Variants in CNTN5 observed in about 807,000 individuals in gnomAD.
CNTN5 encodes the protein contactin 5.
A neutral mutation model predicts 129.1 loss-of-function variants in CNTN5; 77 were observed. The observed-to-expected ratio is 0.60, with a 90% CI of 0.50 to 0.72. The LOEUF is 0.72. Ranked by LOEUF, CNTN5 falls within the 30% of genes least tolerant of loss-of-function variation. The pLI is 0.00. For synonymous variants in CNTN5, 509 were observed against 465.6 expected (o/e 1.09, Z -1.20); for missense variants, 1,478 against 1,328.8 (o/e 1.11, Z -1.75).
At chr11:99,826,304 T>C (rs1946955670) in intron 4 of CNTN5, among the ~76,000 whole-genome samples, 1 of 152,196 alleles carries the variant, frequency 6.6e-6, no homozygotes, top group South Asian at 2.1e-4. Flanking sequence ...GTTGGGGCTA[T>C]TGAGATTCAG....
chr11:99,446,434 T>A (rs1944074821), intron 2 of CNTN5, among the ~76,000 whole-genome samples: 1 of 152,208 alleles, frequency 6.6e-6, no homozygotes, highest in Non-Finnish European at 1.5e-5. Context: ...TCACCTCAGT[T>A]TTAATAAATT....
intron 1 of CNTN5, among the ~76,000 whole-genome samples, chr11:99,262,776 T>C (rs1197521190): frequency 6.6e-6 from 1 of 152,070 alleles, no homozygotes; most frequent in Non-Finnish European, 1.5e-5. Context: ...TGAATTCTTT[T>C]ATTTAAAATA....
chr11:99,197,992 T>C lies in CNTN5; in HGVS notation c.-209-127354T>C, dbSNP rs552039306. 1.7e-4 allele frequency among the ~76,000 whole-genome samples: 26 copies of C among 152,208 alleles called. 2 individuals are homozygous for C. In the South Asian group the frequency reaches 5.4e-3, roughly 32 times the overall value. The stretch of plus-strand genomic sequence containing the variant: ...ATTGGCAAATTATTTATTTTTAAAA[T>C]CCAAAATCCATGTTACTGCTTTTGA... On this transcript the variant is annotated intron_variant, in intron 1 of 24. Coordinates refer to ENST00000524871, the MANE Select transcript of CNTN5 (RefSeq NM_014361.4).
At chr11:99,961,570 A>C (rs1007035279) in intron 8 of CNTN5, among the ~76,000 whole-genome samples, 6 of 152,210 alleles carry the variant, frequency 3.9e-5, no homozygotes, top group Non-Finnish European at 7.3e-5. Flanking sequence ...CAAAGTTAGC[A>C]CTAAGAAGGG....
At chr11:99,598,493 CCTTT>C (rs1447443623) in intron 3 of CNTN5, among the ~76,000 whole-genome samples, 23 of 144,224 alleles carry the variant, frequency 1.6e-4, no homozygotes, top group Admixed American at 1.5e-3. Context: ...CTTCTTCCTT[CCTTT>C]CTTTGTCTCT....
rs80319390 is a variant in CNTN5, at chr11:99,651,755, G to A, written c.55+95486G>A. ...CCTATCAACGGCCTCAGGATTATAT[G>A]TAAACTTTCTTTAACATGAAAATCA... is the stretch of plus-strand genomic sequence containing the variant. On this transcript the variant is annotated intron_variant, in intron 3 of 24. Transcript: ENST00000524871. 8.7e-3 allele frequency among the ~76,000 whole-genome samples: 1,325 copies of A among 151,946 alleles called. 21 individuals are homozygous for A. The highest frequency in any genetic ancestry group is 0.029 in the African/African-American group (1,185 of 41,498).
intron 1 of CNTN5, among the ~76,000 whole-genome samples, chr11:99,115,480 C>T (rs1422054937): frequency 3.3e-5 from 5 of 151,958 alleles, no homozygotes; most frequent in African/African-American, 7.3e-5. Context: ...AAATACTGGC[C>T]GGGTGCGGTG....
At chr11:100,140,144 T>C (rs1350835605) in intron 13 of CNTN5, among the ~76,000 whole-genome samples, 1 of 152,138 alleles carries the variant, frequency 6.6e-6, no homozygotes, top group Non-Finnish European at 1.5e-5. Context: ...TGTGAAATAA[T>C]TGCCTGAAAG....
In CNTN5 at chr11:99,645,246, C is replaced by T. The variant is rs1469797342; in HGVS notation, c.55+88977C>T. Reference sequence around the variant, plus strand: ...CTGCACTCCAGCCTGGGCAACAGAGCGAGGCTCCATCTCAACAAAAAAAAA... The same window carrying T: ...CTGCACTCCAGCCTGGGCAACAGAGTGAGGCTCCATCTCAACAAAAAAAAA... On this transcript the variant is annotated intron_variant, in intron 3 of 24. Transcript: ENST00000524871. Among the ~76,000 whole-genome samples the T allele has an allele frequency of 1.9e-4, 19 of 100,402 alleles. 1 individual carries two copies. Among genetic ancestry groups the T allele is most frequent in the Non-Finnish European group, 2.6e-4 (15 of 56,668 alleles). 65.9% of individuals were successfully genotyped at this position (100,402 alleles called of 152,430 possible).
At chr11:99,830,209 A>G (rs1947095045) in intron 4 of CNTN5, among the ~76,000 whole-genome samples, 1 of 152,096 alleles carries the variant, frequency 6.6e-6, no homozygotes, top group Admixed American at 6.6e-5. Context: ...CCTTAGAGGA[A>G]GCAAATTATT....
chr11:99,260,814 G>A (rs1197185175), intron 1 of CNTN5, among the ~76,000 whole-genome samples: 1 of 151,874 alleles, frequency 6.6e-6, no homozygotes, highest in Non-Finnish European at 1.5e-5. Context: ...TGATCTCATG[G>A]TATTATGTTA....
intron 2 of CNTN5, among the ~76,000 whole-genome samples, chr11:99,532,613 C>T (rs1947755271): frequency 6.6e-6 from 1 of 152,156 alleles, no homozygotes; most frequent in African/African-American, 2.4e-5. Context: ...ATAATGGAAT[C>T]ATGGTGGCCA....
chr11:99,358,105 A>C (rs1218828094), intron 2 of CNTN5, among the ~76,000 whole-genome samples: 3 of 144,828 alleles, frequency 2.1e-5, no homozygotes, highest in African/African-American at 7.6e-5. Flanking sequence ...CTACCTTTTC[A>C]CTAGACAGAG....
chr11:99,058,382 C>T (rs1036405466), intron 1 of CNTN5, among the ~76,000 whole-genome samples: 2 of 151,806 alleles, frequency 1.3e-5, no homozygotes, highest in Admixed American at 1.3e-4. Flanking sequence ...CATAAACACA[C>T]AAATAGTAGA....
At chr11:99,842,264 T>A (rs981852448) in intron 4 of CNTN5, among the ~76,000 whole-genome samples, 1 of 152,294 alleles carries the variant, frequency 6.6e-6, no homozygotes, top group African/African-American at 2.4e-5. Flanking sequence ...AAGGACTGAT[T>A]ATTGCCAATG....
At position 99,815,162 on chromosome 11, in the gene CNTN5, AATAAT is replaced by A. The variant is rs138986502; in HGVS notation, c.56-4377_56-4373del. On this transcript the variant is annotated intron_variant, in intron 3 of 24. Transcript: ENST00000524871. ...GGGGACACAAAGTCTAACCATATTA[AATAAT>A]ATAAGATGTACAGAAAAACACACTT... Among the ~76,000 whole-genome samples, 196 of 151,338 alleles carry A rather than the reference AATAAT, an allele frequency of 1.3e-3. 1 individual carries two copies. Among genetic ancestry groups the A allele is most frequent in the East Asian group, 6.6e-3 (34 of 5,182 alleles).
At chr11:99,753,431 T>C (rs1375843974) in intron 3 of CNTN5, among the ~76,000 whole-genome samples, 6 of 151,502 alleles carry the variant, frequency 4.0e-5, no homozygotes, top group Non-Finnish European at 8.8e-5. Context: ...CTGCTTTTTG[T>C]CATTATAGTT....
At chr11:99,205,176 C>A (rs867783278) in intron 1 of CNTN5, among the ~76,000 whole-genome samples, 5 of 106,986 alleles carry the variant, frequency 4.7e-5, no homozygotes, top group South Asian at 5.6e-4. Flanking sequence ...AACAAACAAA[C>A]AAAAAAAACT....
intron 6 of CNTN5, among the ~76,000 whole-genome samples, chr11:99,850,854 C>G (rs1201519569): frequency 6.6e-6 from 1 of 152,128 alleles, no homozygotes. Flanking sequence ...CTACTCTTGA[C>G]AAATTTTCAT....
Sources: gnomAD v4.1 joint callset for allele counts (sites outside exome capture counted in the v4.1 genomes callset) on GRCh38, gnomAD v4.1.1 for gene constraint, MANE v1.5 for transcripts, NCBI Gene and HGNC (gene_info 2026-07-23, HGNC 2026-07-21) for gene names.